PTTG1IP2: variants seen among roughly 807,000 people sequenced by gnomAD.
The protein encoded by PTTG1IP2 is PTTG1IP family member 2.
chr7:90,508,258 C>T lies in PTTG1IP2; in HGVS notation c.*51-5020C>T, dbSNP rs531500174. ...TCCAGTCTGGGCAACAGTGAGAACT[C>T]GTCTCAAAAAAAAAAAAAAAAAGAA... On this transcript the variant is annotated intron_variant, in intron 6 of 6. Coordinates refer to ENST00000509356, the MANE Select transcript of PTTG1IP2 (RefSeq NM_001365443.2). 2.3e-5 allele frequency among the ~76,000 whole-genome samples: 3 copies of T among 130,418 alleles called. No individual in the cohort carries two copies. In the East Asian group the frequency reaches 6.3e-4, roughly 27 times the overall value. 85.6% of individuals were successfully genotyped at this position (130,418 alleles called of 152,430 possible). A position where few individuals can be genotyped will look rare whatever the true frequency, so the allele number is the denominator to read the frequency against.
chr7:90,474,098 T>G (rs1206176129), intron 1 of PTTG1IP2, among the ~76,000 whole-genome samples: 1 of 152,210 alleles, frequency 6.6e-6, no homozygotes, highest in East Asian at 1.9e-4. Context: ...CTAGATAGTA[T>G]AGCCTATTAT....
intron 6 of PTTG1IP2, among the ~76,000 whole-genome samples, chr7:90,496,176 A>G (rs1045012850): frequency 2.6e-5 from 4 of 152,204 alleles, no homozygotes; most frequent in African/African-American, 9.6e-5. Context: ...CATTAAATGC[A>G]TTGAGAAGGA....
chr7:90,503,953 C>T lies in PTTG1IP2; in HGVS notation c.*51-9325C>T, dbSNP rs147488807. Among the ~76,000 whole-genome samples, 20 of 152,116 alleles carry T rather than the reference C, an allele frequency of 1.3e-4. No individual in the cohort carries two copies. The East Asian group carries it at 2.3e-3, about 18-fold the overall frequency. ...TAGAAAGCACAATATTTGTGAGGTACGCTAAATTGAAGTGCAATAAAATAA... is the reference window on the plus strand; with the variant it reads ...TAGAAAGCACAATATTTGTGAGGTATGCTAAATTGAAGTGCAATAAAATAA... On this transcript the variant is annotated intron_variant, in intron 6 of 6. Transcript: ENST00000509356.
chr7:90,476,633 G>A (rs1052038868), intron 1 of PTTG1IP2, among the ~76,000 whole-genome samples: 1 of 152,056 alleles, frequency 6.6e-6, no homozygotes, highest in South Asian at 2.1e-4. Flanking sequence ...AGCAAGTGTA[G>A]CAATATTATA....
At chr7:90,489,343 AT>A (rs530190842) in intron 4 of PTTG1IP2, among the ~76,000 whole-genome samples, 1 of 150,610 alleles carries the variant, frequency 6.6e-6, no homozygotes. Context: ...CACTATACAC[AT>A]TTTTTTTGCT....
Position 90,506,396 on chromosome 7 carries a change from T to C in PTTG1IP2, c.*51-6882T>C, listed in dbSNP as rs115520324. Reference sequence around the variant, plus strand: ...TTACTGCATACATGCCAGTTTGGTATTGAGTGCCATTTTCTCATAAATAAG... The same window carrying C: ...TTACTGCATACATGCCAGTTTGGTACTGAGTGCCATTTTCTCATAAATAAG... On this transcript the variant is annotated intron_variant, in intron 6 of 6. Coordinates refer to ENST00000509356, the MANE Select transcript of PTTG1IP2 (RefSeq NM_001365443.2). Among the ~76,000 whole-genome samples, 563 of 152,296 alleles carry C rather than the reference T, an allele frequency of 3.7e-3. 4 individuals are homozygous for C. Among genetic ancestry groups the C allele is most frequent in the African/African-American group, 0.013 (539 of 41,550 alleles).
At chr7:90,472,790 A>G (rs1482338104) in intron 1 of PTTG1IP2, among the ~76,000 whole-genome samples, 6 of 152,032 alleles carry the variant, frequency 3.9e-5, no homozygotes, top group South Asian at 2.1e-4. Flanking sequence ...AGTGATTTCT[A>G]TTTTCCTGGT....
chr7:90,487,191 C>G (rs1797884010), intron 2 of PTTG1IP2, 136 bp from the exon 3 acceptor site: 1 of 152,474 alleles, frequency 6.6e-6, no homozygotes, highest in Non-Finnish European at 1.5e-5. Flanking sequence ...CAATAAGTTA[C>G]CAAAGGCATC....
chr7:90,503,630 T>C (rs1255545682), intron 6 of PTTG1IP2, among the ~76,000 whole-genome samples: 3 of 152,182 alleles, frequency 2.0e-5, no homozygotes, highest in African/African-American at 7.2e-5. Flanking sequence ...GAGGGAGGCC[T>C]GAGAAGAGAA....
intron 2 of PTTG1IP2, among the ~76,000 whole-genome samples, chr7:90,483,404 C>T (rs1797835270): frequency 6.6e-6 from 1 of 152,174 alleles, no homozygotes; most frequent in East Asian, 1.9e-4. Context: ...TTGCCTCTAT[C>T]TATGTGTCAT....
intron 2 of PTTG1IP2, among the ~76,000 whole-genome samples, chr7:90,485,908 C>G (rs990280691): frequency 2.6e-5 from 4 of 152,182 alleles, no homozygotes; most frequent in African/African-American, 9.7e-5. Context: ...GGCCAGAAGT[C>G]TCTGTGGGCT....
chr7:90,481,945 T>A (rs930661341), intron 2 of PTTG1IP2, among the ~76,000 whole-genome samples: 10 of 152,220 alleles, frequency 6.6e-5, no homozygotes, highest in South Asian at 2.1e-4. Context: ...GATACTTTTT[T>A]AAAATTTTCT....
chr7:90,512,189 G>A (rs1798197794), intron 6 of PTTG1IP2, among the ~76,000 whole-genome samples: 2 of 152,266 alleles, frequency 1.3e-5, no homozygotes, highest in South Asian at 4.1e-4. Context: ...CTTGTGCCAG[G>A]CATTGGGAAT....
intron 1 of PTTG1IP2, 99 bp from the exon 2 acceptor site, chr7:90,479,129 G>A (rs1296474942): frequency 6.6e-6 from 1 of 152,498 alleles, no homozygotes; most frequent in Admixed American, 6.5e-5. Flanking sequence ...GATGACTATG[G>A]CTTAAAACAG....
intron 3 of PTTG1IP2, among the ~76,000 whole-genome samples, chr7:90,488,277 G>A (rs1215296393): frequency 6.6e-6 from 1 of 151,806 alleles, no homozygotes; most frequent in African/African-American, 2.4e-5. Flanking sequence ...AATCATGCAT[G>A]TTTTTGCCTT....
intron 1 of PTTG1IP2, among the ~76,000 whole-genome samples, chr7:90,478,096 C>CAAAAAA (rs370035849): frequency 1.1e-3 from 73 of 65,890 alleles, no homozygotes; most frequent in African/African-American, 1.3e-3. Context: ...GACTCCGTCT[C>CAAAAAA]AAAAAAAAAA....
rs370035849 is a variant in PTTG1IP2, at chr7:90,478,096, CAAAAAAA to C, written c.146-1118_146-1112del. Reference sequence around the variant, plus strand: ...TGGGTGACAGAGTGAGACTCCGTCTCAAAAAAAAAAAAAAAAAAAAGAAAAAGAAAAA... The same window carrying C: ...TGGGTGACAGAGTGAGACTCCGTCTCAAAAAAAAAAAAAGAAAAAGAAAAA... On this transcript the variant is annotated intron_variant, in intron 1 of 6. Transcript: ENST00000509356. Among the ~76,000 whole-genome samples, 81 of 68,054 alleles carry C rather than the reference CAAAAAAA, an allele frequency of 1.2e-3. 1 individual carries two copies. Among genetic ancestry groups the C allele is most frequent in the Non-Finnish European group, 9.5e-5 (3 of 31,596 alleles). The allele number at this position is 68,054 out of a possible 152,430, so 44.6% of individuals were successfully genotyped here. A position where few individuals can be genotyped will look rare whatever the true frequency, so the allele number is the denominator to read the frequency against.
At chr7:90,475,969 C>CTTTAAAG (rs1797744301) in intron 1 of PTTG1IP2, among the ~76,000 whole-genome samples, 1 of 151,166 alleles carries the variant, frequency 6.6e-6, no homozygotes. Flanking sequence ...AGAAAAATAT[C>CTTTAAAG]TTTAAAGTTT....
At chr7:90,508,286 G>T (rs1000692299) in intron 6 of PTTG1IP2, among the ~76,000 whole-genome samples, 1 of 124,066 alleles carries the variant, frequency 8.1e-6, no homozygotes, top group Non-Finnish European at 1.9e-5. Context: ...AAAAAGAAAA[G>T]AAAAGAAAAA....
Sources: allele counts gnomAD v4.1 joint callset (sites outside exome capture counted in the v4.1 genomes callset), GRCh38; gene constraint gnomAD v4.1.1; transcripts MANE v1.5; gene names NCBI Gene and HGNC (gene_info 2026-07-23, HGNC 2026-07-21).